SPAG1: variants seen among roughly 807,000 people sequenced by gnomAD.
The protein encoded by SPAG1 is sperm associated antigen 1, also known as sperm-associated antigen 1.
In SPAG1, 69 loss-of-function variants were observed where a neutral mutation model predicts 100.5. The observed-to-expected ratio is 0.69, with a 90% CI of 0.57 to 0.84. The LOEUF is 0.84. SPAG1 is among the 40% of genes least tolerant of loss of function. The probability of loss-of-function intolerance (pLI) is 0.00; values close to 1 mark genes in which losing one functional copy is unlikely to be tolerated. For synonymous variants in SPAG1, 336 were observed against 411.6 expected (o/e 0.82, Z 2.22); for missense variants, 955 against 1,133.1 (o/e 0.84, Z 2.26).
chr8:100,188,010 G>A (rs570307820), intron 8 of SPAG1, among the ~76,000 whole-genome samples: 1 of 151,730 alleles, frequency 6.6e-6, no homozygotes, highest in East Asian at 1.9e-4. Context: ...GCACCACCAC[G>A]CCTGACTAAT....
intron 14 of SPAG1, among the ~76,000 whole-genome samples, chr8:100,230,286 A>G (rs1261628149): frequency 6.6e-6 from 1 of 152,252 alleles, no homozygotes; most frequent in Non-Finnish European, 1.5e-5. Context: ...ATAATTGCCA[A>G]GCAAAACACT....
intron 2 of SPAG1, 72 bp from the exon 3 acceptor site, chr8:100,165,742 A>C: frequency 7.6e-7 from 1 of 1,309,368 alleles, no homozygotes; most frequent in Non-Finnish European, 1.1e-6. Flanking sequence ...CATGGAACCC[A>C]GCCTGCAAAC....
chr8:100,239,456 G>C lies in SPAG1; in HGVS notation c.2280+52G>C, dbSNP rs1356799558. On this transcript the variant is annotated intron_variant, in intron 17 of 18. Transcript: ENST00000388798. This position sits in a 1 kb window ranked among gnomAD's most constrained non-coding sequence, Gnocchi z 5.0. The stretch of plus-strand genomic sequence containing the variant: ...GTACTCCTTTGGGGACCTTAGACTG[G>C]ATTCTAAGGTCATATTCCTGTGAGT... The C allele has an allele frequency of 1.8e-6, 2 of 1,103,988 alleles. No individual in the cohort carries two copies. Among genetic ancestry groups the C allele is most frequent in the Non-Finnish European group, 2.7e-6 (2 of 732,858 alleles). 68.4% of individuals were successfully genotyped at this position (1,103,988 alleles called of 1,614,324 possible). A position where few individuals can be genotyped will look rare whatever the true frequency, so the allele number is the denominator to read the frequency against.
intron 1 of SPAG1, 22 bp from the exon 2 acceptor site, chr8:100,162,257 A>C: frequency 2.6e-6 from 4 of 1,541,946 alleles, no homozygotes; most frequent in African/African-American, 1.4e-5. Flanking sequence ...TAGATTAATA[A>C]CTTTTAAATA....
At chr8:100,162,236 T>C (rs1815340721) in intron 1 of SPAG1, 43 bp from the exon 2 acceptor site, 1 of 1,433,138 alleles carries the variant, frequency 7.0e-7, no homozygotes, top group African/African-American at 1.5e-5. Context: ...AATTGAGTAT[T>C]ATTTATACAT....
rs1185325310 is a variant in SPAG1 at position 100,226,914 on chromosome 8, C to T, written c.1855+1575C>T. Among the ~76,000 whole-genome samples the T allele has an allele frequency of 4.6e-5, 7 of 152,282 alleles. No homozygotes were observed. The East Asian group carries it at 1.2e-3, about 25-fold the overall frequency. ...ATACTGTAACTTTACTGTGTTTTTA[C>T]TGTAAAGGTACTATACTCTTACTGT... is the stretch of plus-strand genomic sequence containing the variant. On this transcript the variant is annotated intron_variant, in intron 14 of 18. Transcript: ENST00000388798.
rs1470261130 is a variant in SPAG1 at position 100,241,594 on chromosome 8, T to A, written c.*572T>A. ...CTTATTTTTTCTAATACGGAAGCAT[T>A]GCCTAATAATTAAGAACAAAAATTG... is the stretch of plus-strand genomic sequence containing the variant. On this transcript the variant is annotated 3_prime_UTR_variant, in exon 19 of 19. Transcript: ENST00000388798. This position sits in a 1 kb window ranked among gnomAD's most constrained non-coding sequence, Gnocchi z 5.1. The A allele has an allele frequency of 3.3e-5, 5 of 152,184 alleles. No homozygotes were observed. The highest frequency in any genetic ancestry group is 3.3e-4 in the Admixed American group (5 of 15,284). The allele number at this position is 152,184 out of a possible 1,614,324, so 9.4% of individuals were successfully genotyped here. A position where few individuals can be genotyped will look rare whatever the true frequency, so the allele number is the denominator to read the frequency against.
At chr8:100,173,610 T>C (rs1283234757) in intron 3 of SPAG1, among the ~76,000 whole-genome samples, 1 of 152,008 alleles carries the variant, frequency 6.6e-6, no homozygotes, top group Non-Finnish European at 1.5e-5. Flanking sequence ...TCTTACTCAA[T>C]TTTTTTTCTG....
chr8:100,198,936 G>A (rs887870893), intron 10 of SPAG1, among the ~76,000 whole-genome samples: 8 of 152,118 alleles, frequency 5.3e-5, no homozygotes, highest in African/African-American at 1.9e-4. Flanking sequence ...CATCTATGTT[G>A]CATCTTGCAT....
Position 100,231,189 on chromosome 8 carries a change from G to A in SPAG1, c.1889G>A (p.Gly630Glu). The A allele has an allele frequency of 1.2e-6, 2 of 1,607,942 alleles. No homozygotes were observed. The highest frequency in any genetic ancestry group is 1.7e-6 in the Non-Finnish European group (2 of 1,176,392). ...ACATTTAAAGCCCTTAAGGAAGAAG[G>A]AAATCAATGTGTAAATGACAAAAAC... ...EKTFKALKEE[G>E]NQCVNDKNYK... Residue 630 changes from glycine (G) to glutamate (E), a missense_variant, in exon 15 of 19, where the codon GGA (glycine) becomes GAA (glutamate). Coordinates refer to ENST00000388798, the MANE Select transcript of SPAG1 (RefSeq NM_003114.5).
chr8:100,228,440 C>T (rs534782593), intron 14 of SPAG1, among the ~76,000 whole-genome samples: 6 of 147,998 alleles, frequency 4.1e-5, no homozygotes, highest in African/African-American at 1.5e-4. Context: ...TGGCTGGGTG[C>T]GGTGGCTCAC....
At chr8:100,230,332 G>A (rs1321624724) in intron 14 of SPAG1, among the ~76,000 whole-genome samples, 1 of 152,202 alleles carries the variant, frequency 6.6e-6, no homozygotes, top group Non-Finnish European at 1.5e-5. Flanking sequence ...GACTGGTTCT[G>A]TCGTATCCAA....
chr8:100,208,090 T>G (rs1040856068), intron 10 of SPAG1, among the ~76,000 whole-genome samples: 1 of 152,196 alleles, frequency 6.6e-6, no homozygotes, highest in African/African-American at 2.4e-5. Flanking sequence ...AATTATTGCT[T>G]CCTGTTCTTG....
Position 100,187,597 on chromosome 8 carries a change from G to A in SPAG1, c.832+347G>A, listed in dbSNP as rs1394588314. Among the ~76,000 whole-genome samples the A allele has an allele frequency of 7.2e-5, 11 of 152,098 alleles. 1 individual carries two copies. In the South Asian group the frequency reaches 1.0e-3, roughly 14 times the overall value. ...TATAATCCCAAAATTTTGGGAGGCC[G>A]AGGTGAGACGATTGCTTGAGTCTAG... is the stretch of plus-strand genomic sequence containing the variant. On this transcript the variant is annotated intron_variant, in intron 8 of 18. Transcript: ENST00000388798.
At chr8:100,228,397 C>G (rs975846630) in intron 14 of SPAG1, among the ~76,000 whole-genome samples, 26 of 140,136 alleles carry the variant, frequency 1.9e-4, no homozygotes, top group Admixed American at 3.0e-4. Context: ...CAAAGCAAGA[C>G]CCCCATCTCT....
intron 10 of SPAG1, among the ~76,000 whole-genome samples, chr8:100,210,948 C>A (rs1817694770): frequency 6.6e-6 from 1 of 151,948 alleles, no homozygotes; most frequent in African/African-American, 2.4e-5. Context: ...CCTGCCTCAG[C>A]CTTTTGAGTA....
rs113892549 is a variant in SPAG1, at chr8:100,238,190, C to T, written c.2116-1050C>T. The stretch of plus-strand genomic sequence containing the variant: ...TATAAATACAGTGTCATTTTTCCCC[C>T]GGTAAGGTTCCAGTGCTGGTCTAGG... On this transcript the variant is annotated intron_variant, in intron 16 of 18. Transcript: ENST00000388798. 7.8e-3 allele frequency among the ~76,000 whole-genome samples: 1,194 copies of T among 152,234 alleles called. 9 individuals are homozygous for T. The highest frequency in any genetic ancestry group is 0.013 in the Non-Finnish European group (885 of 68,018).
At chr8:100,171,582 A>AT (rs557658922) in intron 3 of SPAG1, among the ~76,000 whole-genome samples, 1 of 151,870 alleles carries the variant, frequency 6.6e-6, no homozygotes, top group Non-Finnish European at 1.5e-5. Flanking sequence ...CCTTTCTGAT[A>AT]TTTTTTTCCC....
intron 3 of SPAG1, among the ~76,000 whole-genome samples, chr8:100,167,681 A>T: frequency 6.6e-6 from 1 of 152,192 alleles, no homozygotes; most frequent in East Asian, 1.9e-4. Flanking sequence ...ATTTCTTTTA[A>T]TCAGCTTTAT....
Sources: gnomAD v4.1 joint callset for allele counts (sites outside exome capture counted in the v4.1 genomes callset) on GRCh38, gnomAD v4.1.1 for gene constraint, Gnocchi (gnomAD v3.1) non-coding constraint, MANE v1.5 for transcripts, NCBI Gene and HGNC (gene_info 2026-07-23, HGNC 2026-07-21) for gene names.